NIPSNAP1: variants seen among roughly 807,000 people sequenced by gnomAD.
NIPSNAP1 encodes nipsnap homolog 1.
In NIPSNAP1, 25 loss-of-function variants were observed where a neutral mutation model predicts 49.2. The ratio of observed to expected loss-of-function variants is 0.51; its 90% confidence interval spans 0.37 to 0.71. NIPSNAP1 has a LOEUF of 0.71. NIPSNAP1 is among the 30% of genes least tolerant of loss of function. The pLI, the probability that NIPSNAP1 is intolerant of heterozygous loss-of-function variation, is 0.00. For synonymous variants in NIPSNAP1, 143 were observed against 140.7 expected (o/e 1.02, Z -0.12); for missense variants, 294 against 361.0 (o/e 0.81, Z 1.50).
chr22:29,578,306 G>A (rs993289077), intron 1 of NIPSNAP1, among the ~76,000 whole-genome samples: 16 of 151,390 alleles, frequency 1.1e-4, no homozygotes, highest in Non-Finnish European at 1.8e-4. Flanking sequence ...AAAGTGCTGG[G>A]ATTACAGGCA....
At chr22:29,567,771 G>T (rs1363889953) in intron 4 of NIPSNAP1, among the ~76,000 whole-genome samples, 1 of 152,052 alleles carries the variant, frequency 6.6e-6, no homozygotes, top group Admixed American at 6.6e-5. Context: ...TAGGAGGATT[G>T]CTTAAGCTCA....
At chr22:29,558,070 C>T (rs1278190098) in intron 9 of NIPSNAP1, among the ~76,000 whole-genome samples, 1 of 152,154 alleles carries the variant, frequency 6.6e-6, no homozygotes, top group East Asian at 1.9e-4. Flanking sequence ...TGAGACCTGC[C>T]TGGGTGACAT....
intron 3 of NIPSNAP1, 198 bp downstream of exon 3, chr22:29,569,964 G>A (rs1166417431): frequency 3.3e-6 from 2 of 607,006 alleles, no homozygotes; most frequent in Admixed American, 5.2e-5. Flanking sequence ...ACTCCAGCCT[G>A]GGCAACGAGA....
At chr22:29,564,382 C>T (rs766983223) in intron 4 of NIPSNAP1, 4 of 470,740 alleles carry the variant, frequency 8.5e-6, no homozygotes, top group South Asian at 1.5e-5. Context: ...CTGTGGAAAA[C>T]GGATTAACGG....
At chr22:29,565,201 C>G (rs2064361010) in intron 4 of NIPSNAP1, among the ~76,000 whole-genome samples, 1 of 151,476 alleles carries the variant, frequency 6.6e-6, no homozygotes, top group African/African-American at 2.4e-5. Flanking sequence ...GAGACCCTGT[C>G]CCAAACAGAA....
At chr22:29,580,276 G>A in intron 1 of NIPSNAP1, 1 of 1,263,490 alleles carries the variant, frequency 7.9e-7, no homozygotes, top group Non-Finnish European at 1.0e-6. Flanking sequence ...GGGGACCAAG[G>A]AGTGAGGGGC....
intron 1 of NIPSNAP1, chr22:29,579,809 TAA>T (rs1265267019): frequency 3.3e-6 from 1 of 299,742 alleles, no homozygotes. Context: ...ACCCGAGGCT[TAA>T]AGAGTCCTGA....
intron 9 of NIPSNAP1, among the ~76,000 whole-genome samples, 193 bp from the exon 10 acceptor site, chr22:29,556,192 C>G (rs469363): frequency 0.79 from 120,495 of 152,008 alleles, 48,172 homozygotes; most frequent in African/African-American, 0.87. Context: ...TAAGACAGGA[C>G]TTTGGTGGTG....
intron 9 of NIPSNAP1, 120 bp downstream of exon 9, chr22:29,558,750 T>C: frequency 1.2e-6 from 1 of 803,922 alleles, no homozygotes; most frequent in Non-Finnish European, 2.2e-6. Context: ...CATTAACTCA[T>C]TGTCTTAAAA....
At chr22:29,559,102 G>T in intron 8 of NIPSNAP1, 149 bp from the exon 9 acceptor site, 1 of 702,178 alleles carries the variant, frequency 1.4e-6, no homozygotes, top group East Asian at 2.6e-5. Context: ...AACACTGTCT[G>T]CTTTAATCAT....
intron 4 of NIPSNAP1, among the ~76,000 whole-genome samples, chr22:29,562,430 T>G (rs1165359093): frequency 6.6e-6 from 1 of 152,172 alleles, no homozygotes; most frequent in Admixed American, 6.5e-5. Context: ...AGATTGACAG[T>G]AGACCAGGCG....
At chr22:29,573,124 C>T (rs1358125881) in intron 1 of NIPSNAP1, among the ~76,000 whole-genome samples, 3 of 152,142 alleles carry the variant, frequency 2.0e-5, no homozygotes, top group South Asian at 2.1e-4. Flanking sequence ...GCAACCTCCA[C>T]CTCCCGGGTT....
At chr22:29,566,234 G>C (rs533779547) in intron 4 of NIPSNAP1, among the ~76,000 whole-genome samples, 15 of 151,082 alleles carry the variant, frequency 9.9e-5, no homozygotes, top group Non-Finnish European at 2.1e-4. Context: ...TCAAACTCCT[G>C]GCCTCAAGTG....
At chr22:29,559,744 T>C (rs2064320659) in intron 8 of NIPSNAP1, among the ~76,000 whole-genome samples, 1 of 151,992 alleles carries the variant, frequency 6.6e-6, no homozygotes, top group African/African-American at 2.4e-5. Context: ...ACCTCTAGAC[T>C]AACAAATCTT....
intron 1 of NIPSNAP1, among the ~76,000 whole-genome samples, chr22:29,574,215 C>T (rs1446512455): frequency 4.6e-5 from 6 of 131,422 alleles, no homozygotes; most frequent in Non-Finnish European, 6.2e-5. Context: ...GCCAAGATCA[C>T]GCCACTGCAC....
intron 4 of NIPSNAP1, among the ~76,000 whole-genome samples, chr22:29,562,835 C>T (rs1438224221): frequency 4.6e-5 from 7 of 152,150 alleles, no homozygotes; most frequent in Non-Finnish European, 8.8e-5. Flanking sequence ...CACGGTGGCT[C>T]ACGCCTGTAA....
chr22:29,561,435 T>C (rs907048118), intron 6 of NIPSNAP1, 71 bp downstream of exon 6: 1 of 1,604,604 alleles, frequency 6.2e-7, no homozygotes, highest in Middle Eastern at 1.7e-4. Flanking sequence ...GTCTAGGTGT[T>C]GGGGCAGCTG....
intron 9 of NIPSNAP1, among the ~76,000 whole-genome samples, chr22:29,558,298 C>T (rs1404653163): frequency 6.6e-6 from 1 of 151,780 alleles, no homozygotes; most frequent in Non-Finnish European, 1.5e-5. Flanking sequence ...GATAAAACCC[C>T]GTCTCTACTA....
At chr22:29,579,969 C>T in intron 1 of NIPSNAP1, 1 of 761,736 alleles carries the variant, frequency 1.3e-6, no homozygotes, top group South Asian at 1.5e-5. Flanking sequence ...CCAAAAGCCC[C>T]ACTGCTCTGT....
Sources: allele counts gnomAD v4.1 joint callset (sites outside exome capture counted in the v4.1 genomes callset), GRCh38; gene constraint gnomAD v4.1.1; transcripts MANE v1.5; gene names NCBI Gene and HGNC (gene_info 2026-07-23, HGNC 2026-07-21).